Variants in NFIA observed in about 807,000 individuals in gnomAD.
The protein encoded by NFIA is nuclear factor 1 A-type.
A neutral mutation model predicts 62.8 loss-of-function variants in NFIA; 8 were observed. The observed-to-expected ratio is 0.13, with a 90% CI of 0.07 to 0.23. The LOEUF (loss-of-function observed/expected upper bound fraction) is 0.23, where lower values mean the gene tolerates loss of function less well. Among genes scored for constraint, NFIA ranks in the 10% least tolerant of loss-of-function variants. The pLI, the probability that NFIA is intolerant of heterozygous loss-of-function variation, is 1.00. For synonymous variants in NFIA, 235 were observed against 238.1 expected, an observed-to-expected ratio of 0.99 and a Z score of 0.12; for missense variants, 410 against 642.1, an observed-to-expected ratio of 0.64 and a Z score of 3.91.
chr1:61,387,468 C>CTGTT lies in NFIA; in HGVS notation c.1075+4104_1075+4105insGTTT, dbSNP rs1171901984. On this transcript the variant is annotated intron_variant, in intron 7 of 10. Transcript: ENST00000403491. ...TCCCCCAGATCAGCTCAAGCACTTT[C>CTGTT]TTTTTTTTTTTTTTTTTTTTTTTGA... 2.5e-3 allele frequency among the ~76,000 whole-genome samples: 239 copies of CTGTT among 95,470 alleles called. 1 individual carries two copies. Among genetic ancestry groups the CTGTT allele is most frequent in the African/African-American group, 9.5e-3 (232 of 24,294 alleles). The allele number at this position is 95,470 out of a possible 152,430, so 62.6% of individuals were successfully genotyped here.
intron 2 of NFIA, among the ~76,000 whole-genome samples, chr1:61,097,828 T>A (rs1646442917): frequency 6.6e-6 from 1 of 152,170 alleles, no homozygotes; most frequent in Non-Finnish European, 1.5e-5. Context: ...ACATACAGGG[T>A]CCCATCATTG....
intron 5 of NFIA, among the ~76,000 whole-genome samples, chr1:61,356,856 T>A (rs1000328125): frequency 5.9e-5 from 9 of 152,236 alleles, no homozygotes; most frequent in South Asian, 2.1e-4. Context: ...TTAGAATTTC[T>A]TGCCATAAAT....
chr1:61,418,290 A>G (rs1414104348), intron 9 of NFIA, among the ~76,000 whole-genome samples: 1 of 151,860 alleles, frequency 6.6e-6, no homozygotes. Context: ...ATAATGAGAC[A>G]GTGTCTCTAC....
chr1:61,351,424 G>A (rs1447545941), intron 4 of NFIA, among the ~76,000 whole-genome samples: 1 of 152,106 alleles, frequency 6.6e-6, no homozygotes, highest in East Asian at 1.9e-4. Flanking sequence ...ATACTAACCT[G>A]TAATTTATTT....
chr1:61,451,126 A>G (rs1668037907), intron 10 of NFIA, among the ~76,000 whole-genome samples: 1 of 152,112 alleles, frequency 6.6e-6, no homozygotes, highest in South Asian at 2.1e-4. Flanking sequence ...ACCTTCTGCC[A>G]TTTCAGGCTT....
intron 2 of NFIA, among the ~76,000 whole-genome samples, chr1:61,139,655 C>T (rs937776363): frequency 5.3e-5 from 8 of 152,214 alleles, no homozygotes; most frequent in Admixed American, 6.5e-5. Flanking sequence ...TGGCATTGTT[C>T]ATGAACATGT....
At chr1:61,120,943 A>G (rs1362125151) in intron 2 of NFIA, among the ~76,000 whole-genome samples, 3 of 152,240 alleles carry the variant, frequency 2.0e-5, no homozygotes, top group Non-Finnish European at 4.4e-5. Flanking sequence ...GCCTTGTAAT[A>G]TATTTTGTGA....
chr1:61,103,446 A>G lies in NFIA; in HGVS notation c.559+14766A>G, dbSNP rs539358552. 3.9e-5 allele frequency among the ~76,000 whole-genome samples: 6 copies of G among 152,306 alleles called. No individual in the cohort carries two copies. The South Asian group carries it at 1.0e-3, about 26-fold the overall frequency. On this transcript the variant is annotated intron_variant, in intron 2 of 10. Coordinates refer to ENST00000403491, the MANE Select transcript of NFIA (RefSeq NM_001134673.4). ...CCTGCCCACAGCATCCATTAGCAGC[A>G]TATTAGTACTTGCCATTAGCACTTC...
intron 7 of NFIA, among the ~76,000 whole-genome samples, chr1:61,389,749 T>TC (rs955630048): frequency 2.6e-5 from 4 of 151,952 alleles, no homozygotes; most frequent in Non-Finnish European, 5.9e-5. Flanking sequence ...ACTGAGTTTT[T>TC]TTTTTTTAAT....
chr1:61,099,553 C>T (rs1442860626), intron 2 of NFIA, among the ~76,000 whole-genome samples: 1 of 152,076 alleles, frequency 6.6e-6, no homozygotes, highest in Non-Finnish European at 1.5e-5. Flanking sequence ...TTTGGTTTTG[C>T]ATTTTTTAAA....
At chr1:61,348,082 T>G (rs1165465617) in intron 4 of NFIA, among the ~76,000 whole-genome samples, 1 of 152,224 alleles carries the variant, frequency 6.6e-6, no homozygotes, top group East Asian at 1.9e-4. Flanking sequence ...CAGTTCTTCA[T>G]GACCTGCCAA....
At chr1:61,179,003 C>T (rs75660521) in intron 2 of NFIA, among the ~76,000 whole-genome samples, 23,169 of 152,194 alleles carry the variant, frequency 0.15, 2,776 homozygotes, top group African/African-American at 0.31. Flanking sequence ...TTGTCTTTCA[C>T]TAGTTGAGAG....
intron 2 of NFIA, among the ~76,000 whole-genome samples, chr1:61,275,238 T>C (rs1294817209): frequency 1.3e-5 from 2 of 152,206 alleles, no homozygotes; most frequent in South Asian, 4.1e-4. Context: ...CTTATTTTTC[T>C]GTGGCTTGGA....
intron 6 of NFIA, among the ~76,000 whole-genome samples, chr1:61,365,631 A>T (rs540702550): frequency 6.6e-6 from 1 of 152,170 alleles, no homozygotes; most frequent in Non-Finnish European, 1.5e-5. Context: ...AAGTTGTTGA[A>T]TCCTTATTAA....
At chr1:61,185,369 A>T (rs1651096694) in intron 2 of NFIA, among the ~76,000 whole-genome samples, 1 of 152,186 alleles carries the variant, frequency 6.6e-6, no homozygotes, top group Admixed American at 6.5e-5. Context: ...CAAAAGGAAA[A>T]AAAGGGGAAT....
chr1:61,213,776 G>A (rs1197807518), intron 2 of NFIA, among the ~76,000 whole-genome samples: 1 of 152,134 alleles, frequency 6.6e-6, no homozygotes, highest in East Asian at 1.9e-4. Context: ...AATGGTCAGA[G>A]TGCATGTTAC....
intron 2 of NFIA, among the ~76,000 whole-genome samples, chr1:61,185,208 T>C (rs1205199516): frequency 6.6e-6 from 1 of 152,214 alleles, no homozygotes; most frequent in African/African-American, 2.4e-5. Flanking sequence ...GCAAGTTATG[T>C]AAGCCCACTA....
intron 2 of NFIA, among the ~76,000 whole-genome samples, chr1:61,219,722 A>AAAAAAAAAAG (rs796341948): frequency 1.3e-5 from 2 of 148,886 alleles, no homozygotes; most frequent in African/African-American, 5.1e-5. Context: ...TCAAAAAAAA[A>AAAAAAAAAAG]AAAAGAAAAA....
Position 61,088,266 on chromosome 1 carries a change from T to A in NFIA, c.145T>A (p.Ser49Thr). 1 of 1,613,336 alleles carries A rather than the reference T, an allele frequency of 6.2e-7. No individual in the cohort carries two copies. Among genetic ancestry groups the A allele is most frequent in the African/African-American group, 1.3e-5 (1 of 74,746 alleles). The change falls in exon 2 of 11, where the codon TCA becomes ACA. Residue 49 changes from serine (S) to threonine (T), a missense_variant. Ser to Thr is a moderately conservative substitution (Grantham distance 58). Around this residue, in one of 3 missense-constraint regions of NFIA, gnomAD observed 86 missense variants for 124.6 expected, o/e 0.69. Coordinates refer to ENST00000403491, the MANE Select transcript of NFIA (RefSeq NM_001134673.4). The surrounding 1 kb of genome is among the most constrained non-coding windows in gnomAD (Gnocchi z 4.5). ...CTTCAAAAAACATGAAAAGCGTATG[T>A]CAAAAGAAGAAGAGAGAGCCGTGAA... ...KYFKKHEKRM[S>T]KEEERAVKDE...
Sources: gnomAD v4.1 joint callset for allele counts (sites outside exome capture counted in the v4.1 genomes callset) on GRCh38, gnomAD v4.1.1 for gene constraint, gnomAD v4.1.1 regional missense constraint, Gnocchi (gnomAD v3.1) non-coding constraint, MANE v1.5 for transcripts, NCBI Gene and HGNC (gene_info 2026-07-23, HGNC 2026-07-21) for gene names.